Variants in ROBO2 observed in about 807,000 individuals in gnomAD.
The protein encoded by ROBO2 is roundabout homolog 2.
A neutral mutation model predicts 160.8 loss-of-function variants in ROBO2; 53 were observed. That is an observed-to-expected ratio of 0.33 (90% confidence interval 0.26 to 0.41). ROBO2 has a LOEUF of 0.41. ROBO2 is among the 10% of genes least tolerant of loss of function. ROBO2 has a pLI of 1.00. For synonymous variants in ROBO2, 664 were observed against 611.7 expected (o/e 1.09, Z -1.26); for missense variants, 1,577 against 1,722.4 (o/e 0.92, Z 1.49).
At chr3:77,054,372 G>T (rs1158670970) in intron 1 of ROBO2, among the ~76,000 whole-genome samples, 1 of 152,140 alleles carries the variant, frequency 6.6e-6, no homozygotes, top group Non-Finnish European at 1.5e-5. Context: ...CAACTTGTAT[G>T]CAGAAACCTA....
intron 2 of ROBO2, among the ~76,000 whole-genome samples, chr3:76,769,494 A>G (rs1271340832): frequency 6.6e-6 from 1 of 151,532 alleles, no homozygotes; most frequent in East Asian, 2.0e-4. Flanking sequence ...TGTAAATATT[A>G]TGTAGATTGT....
chr3:76,901,526 C>T (rs1396152445), intron 2 of ROBO2, among the ~76,000 whole-genome samples: 1 of 132,638 alleles, frequency 7.5e-6, no homozygotes, highest in African/African-American at 2.9e-5. Flanking sequence ...TGAGATCGCA[C>T]CATTGTACTC....
chr3:77,241,835 G>C (rs1386570549), intron 2 of ROBO2, among the ~76,000 whole-genome samples: 3 of 152,270 alleles, frequency 2.0e-5, no homozygotes, highest in African/African-American at 7.2e-5. Flanking sequence ...TCATCCATTT[G>C]TATCAGTCTT....
At chr3:77,548,142 C>T (rs1165177006) in intron 7 of ROBO2, among the ~76,000 whole-genome samples, 2 of 151,308 alleles carry the variant, frequency 1.3e-5, no homozygotes, top group African/African-American at 4.9e-5. Context: ...CATACACATA[C>T]ACATACATAC....
At chr3:76,002,247 G>A (rs2065908168) in intron 2 of ROBO2, among the ~76,000 whole-genome samples, 1 of 152,104 alleles carries the variant, frequency 6.6e-6, no homozygotes, top group Non-Finnish European at 1.5e-5. Context: ...ATGGACACAG[G>A]GACAGATAGG....
At chr3:77,073,979 G>A (rs1473756883) in intron 1 of ROBO2, among the ~76,000 whole-genome samples, 4 of 152,160 alleles carry the variant, frequency 2.6e-5, no homozygotes, top group African/African-American at 7.2e-5. Flanking sequence ...TTTAAAATGA[G>A]CTATTTTGAT....
intron 2 of ROBO2, among the ~76,000 whole-genome samples, chr3:77,307,443 T>C (rs2153418687): frequency 6.6e-6 from 1 of 152,342 alleles, no homozygotes; most frequent in South Asian, 2.1e-4. Context: ...TCAAAGTGAA[T>C]GGCTGCAGTG....
At chr3:77,016,227 G>A (rs907499813) in intron 2 of ROBO2, among the ~76,000 whole-genome samples, 3 of 152,114 alleles carry the variant, frequency 2.0e-5, no homozygotes, top group African/African-American at 4.8e-5. Flanking sequence ...CCGCCGCCTC[G>A]GCCTCCCAAA....
chr3:76,219,195 T>C (rs1703781891), intron 2 of ROBO2, among the ~76,000 whole-genome samples: 1 of 151,136 alleles, frequency 6.6e-6, no homozygotes, highest in African/African-American at 2.4e-5. Flanking sequence ...TGTTAGACCT[T>C]AAAAACCATG....
chr3:77,017,023 C>T (rs1437725879), intron 2 of ROBO2, among the ~76,000 whole-genome samples: 1 of 152,122 alleles, frequency 6.6e-6, no homozygotes, highest in Non-Finnish European at 1.5e-5. Context: ...AATGCTTCAA[C>T]AACATCAGCT....
At chr3:76,963,266 T>A (rs2079804564) in intron 2 of ROBO2, among the ~76,000 whole-genome samples, 1 of 152,190 alleles carries the variant, frequency 6.6e-6, no homozygotes, top group Non-Finnish European at 1.5e-5. Context: ...TCTTCATTTA[T>A]ATATTTTGTC....
At chr3:76,187,633 TAAC>T (rs1701826820) in intron 2 of ROBO2, among the ~76,000 whole-genome samples, 1 of 152,096 alleles carries the variant, frequency 6.6e-6, no homozygotes, top group African/African-American at 2.4e-5. Context: ...TGTCAATAAA[TAAC>T]AACATGATTC....
intron 2 of ROBO2, among the ~76,000 whole-genome samples, chr3:76,940,072 C>G (rs903707999): frequency 2.7e-5 from 4 of 150,572 alleles, no homozygotes; most frequent in African/African-American, 9.8e-5. Flanking sequence ...AGCTCCGCCT[C>G]CCGGGTTCAC....
intron 2 of ROBO2, among the ~76,000 whole-genome samples, chr3:76,820,922 G>A (rs113610565): frequency 7.8e-4 from 118 of 151,880 alleles, no homozygotes; most frequent in African/African-American, 2.7e-3. Flanking sequence ...TAAAAGCTGT[G>A]ACAGAATATG....
At chr3:76,610,929 TA>T (rs2088064057) in intron 2 of ROBO2, among the ~76,000 whole-genome samples, 2 of 152,130 alleles carry the variant, frequency 1.3e-5, no homozygotes, top group Admixed American at 1.3e-4. Context: ...GGAGAGTGAA[TA>T]AGGCAGATAA....
intron 2 of ROBO2, among the ~76,000 whole-genome samples, chr3:77,234,859 CT>C (rs2087721989): frequency 6.6e-6 from 1 of 152,034 alleles, no homozygotes; most frequent in African/African-American, 2.4e-5. Flanking sequence ...TGGTTGGGGA[CT>C]TTTGGGAGTG....
chr3:76,052,080 A>AT (rs1451075616), intron 2 of ROBO2, among the ~76,000 whole-genome samples: 6 of 152,094 alleles, frequency 3.9e-5, no homozygotes, highest in African/African-American at 1.4e-4. Context: ...CACCTCATAA[A>AT]TTTAAAAGTT....
chr3:76,020,058 CAT>C (rs2066528817), intron 2 of ROBO2, among the ~76,000 whole-genome samples: 2 of 151,928 alleles, frequency 1.3e-5, no homozygotes, highest in Non-Finnish European at 2.9e-5. Flanking sequence ...TTGATTTCTT[CAT>C]ATGTTTTGAG....
At chr3:76,617,511 A>C (rs577214249) in intron 2 of ROBO2, among the ~76,000 whole-genome samples, 2 of 152,330 alleles carry the variant, frequency 1.3e-5, no homozygotes, top group East Asian at 3.9e-4. Context: ...GAGATAGTTC[A>C]GTATATCTCA....
Sources: gnomAD v4.1 joint callset for allele counts (sites outside exome capture counted in the v4.1 genomes callset) on GRCh38, gnomAD v4.1.1 for gene constraint, MANE v1.5 for transcripts, NCBI Gene and HGNC (gene_info 2026-07-23, HGNC 2026-07-21) for gene names.